Variants in N4BP2L2 observed in about 807,000 individuals in gnomAD.
N4BP2L2 encodes NEDD4-binding protein 2-like 2.
N4BP2L2 carries 50 observed loss-of-function variants against 56.2 expected under a neutral mutation model. That is an observed-to-expected ratio of 0.89 (90% CI 0.71 to 1.13). The LOEUF (loss-of-function observed/expected upper bound fraction) is 1.13, where lower values mean the gene tolerates loss of function less well. Ranked by LOEUF, N4BP2L2 falls within the 50% of genes most tolerant of loss-of-function variation. The probability of loss-of-function intolerance (pLI) is 0.00; values close to 1 mark genes in which losing one functional copy is unlikely to be tolerated. For synonymous variants in N4BP2L2, 203 were observed against 223.6 expected (o/e 0.91, Z 0.82); for missense variants, 689 against 693.8 (o/e 0.99, Z 0.08).
At chr13:32,492,915 TG>T (rs1249019829) in intron 6 of N4BP2L2, among the ~76,000 whole-genome samples, 36 of 105,272 alleles carry the variant, frequency 3.4e-4, no homozygotes, top group Admixed American at 5.7e-4. Flanking sequence ...GTAGCTTTTC[TG>T]TTTTTTTTTT....
At chr13:32,534,100 T>C (rs376355917) in intron 2 of N4BP2L2, among the ~76,000 whole-genome samples, 2 of 152,212 alleles carry the variant, frequency 1.3e-5, no homozygotes, top group East Asian at 3.8e-4. Flanking sequence ...CTGCTCCTTC[T>C]ATAAAATGAA....
At chr13:32,447,019 C>T (rs1393273092) in intron 6 of N4BP2L2, among the ~76,000 whole-genome samples, 1 of 151,914 alleles carries the variant, frequency 6.6e-6, no homozygotes, top group Non-Finnish European at 1.5e-5. Flanking sequence ...TGCAACACTG[C>T]CTCTCGATTT....
chr13:32,516,904 TCA>T (rs900770096), exon 6 of N4BP2L2: 1 of 984,828 alleles, frequency 1.0e-6, no homozygotes, highest in African/African-American at 1.7e-5. Context: ...GAATTCCATC[TCA>T]GTTTTTAATT....
intron 6 of N4BP2L2, among the ~76,000 whole-genome samples, chr13:32,495,665 C>T (rs1280820542): frequency 1.3e-5 from 2 of 152,070 alleles, no homozygotes; most frequent in Non-Finnish European, 2.9e-5. Flanking sequence ...GGCAGTGGCA[C>T]CTCATCAGGC....
intron 7 of N4BP2L2, among the ~76,000 whole-genome samples, chr13:32,439,367 G>A (rs1025629578): frequency 4.6e-5 from 7 of 152,214 alleles, no homozygotes; most frequent in Middle Eastern, 6.8e-3. Context: ...TTTAATTAAC[G>A]GATGCTTGAT....
At chr13:32,530,083 T>C in intron 2 of N4BP2L2, among the ~76,000 whole-genome samples, 1 of 152,142 alleles carries the variant, frequency 6.6e-6, no homozygotes, top group East Asian at 1.9e-4. Flanking sequence ...ATTTTTTGTA[T>C]CTAAAAAACG....
At chr13:32,435,809 G>A (rs1040453626) in intron 9 of N4BP2L2, among the ~76,000 whole-genome samples, 4 of 152,120 alleles carry the variant, frequency 2.6e-5, no homozygotes, top group Non-Finnish European at 4.4e-5. Context: ...AAAACGTATG[G>A]TAAATGCATA....
intron 6 of N4BP2L2, among the ~76,000 whole-genome samples, chr13:32,492,407 CG>C (rs1299878108): frequency 2.0e-5 from 3 of 151,458 alleles, no homozygotes; most frequent in Non-Finnish European, 4.4e-5. Context: ...CTCAGCCTCC[CG>C]AGTAGCTGGG....
chr13:32,434,248 CTTTTTTTCTTT>C (rs1233909306), intron 9 of N4BP2L2, among the ~76,000 whole-genome samples: 1 of 112,038 alleles, frequency 8.9e-6, no homozygotes, highest in Non-Finnish European at 1.8e-5. Context: ...AGCTAATTTT[CTTTTTTTCTTT>C]TTTTTTTTTT....
At chr13:32,501,781 C>T (rs2090057821) in intron 6 of N4BP2L2, among the ~76,000 whole-genome samples, 1 of 151,786 alleles carries the variant, frequency 6.6e-6, no homozygotes, top group South Asian at 2.1e-4. Context: ...CGCCACTGCA[C>T]TCCAGCTTGG....
chr13:32,511,798 T>C (rs980428417), exon 6 of N4BP2L2: 2 of 151,256 alleles, frequency 1.3e-5, no homozygotes, highest in Non-Finnish European at 2.9e-5. Flanking sequence ...AGAAAACACG[T>C]ACACAAGAAA....
chr13:32,507,353 G>A (rs2139687056), downstream of N4BP2L2: 1 of 151,988 alleles, frequency 6.6e-6, no homozygotes, highest in East Asian at 1.9e-4. Context: ...TACATTTGGG[G>A]GTCAATATTG....
chr13:32,468,618 T>C (rs1187214912), intron 6 of N4BP2L2, among the ~76,000 whole-genome samples: 1 of 152,238 alleles, frequency 6.6e-6, no homozygotes, highest in Non-Finnish European at 1.5e-5. Flanking sequence ...GGATGTGCTT[T>C]GGTCAAGGAA....
At chr13:32,537,838 G>C (rs1218375131) in intron 1 of N4BP2L2, among the ~76,000 whole-genome samples, 3 of 152,180 alleles carry the variant, frequency 2.0e-5, no homozygotes, top group Non-Finnish European at 2.9e-5. Flanking sequence ...TTGGGAGGCT[G>C]AGGCGGGCGG....
At chr13:32,505,413 G>T (rs1216684002), downstream of N4BP2L2, 1 of 152,126 alleles carries the variant, frequency 6.6e-6, no homozygotes, top group African/African-American at 2.4e-5. Context: ...CAACAACTTT[G>T]ATGTTCCCTC....
At chr13:32,442,219 G>A (rs2076501565) in intron 7 of N4BP2L2, among the ~76,000 whole-genome samples, 1 of 152,112 alleles carries the variant, frequency 6.6e-6, no homozygotes, top group Non-Finnish European at 1.5e-5. Context: ...CAAAGGGTGG[G>A]GACTTTGAAG....
At chr13:32,517,843 G>C (rs750280447) in exon 6 of N4BP2L2, 1 of 1,613,918 alleles carries the variant, frequency 6.2e-7, no homozygotes. Flanking sequence ...TGTGAGCCAA[G>C]AGAGCCTCCC....
intron 6 of N4BP2L2, among the ~76,000 whole-genome samples, chr13:32,494,303 A>C (rs1005348028): frequency 3.3e-5 from 5 of 151,972 alleles, no homozygotes; most frequent in Non-Finnish European, 7.4e-5. Context: ...AAATAAAAAT[A>C]AAATGTGAGA....
chr13:32,442,476 G>C, exon 7 of N4BP2L2: 1 of 1,613,440 alleles, frequency 6.2e-7, no homozygotes, highest in Non-Finnish European at 8.5e-7. Flanking sequence ...GGTAGTCAGT[G>C]CTTGTTAAGT....
Sources: gnomAD v4.1 joint callset for allele counts (sites outside exome capture counted in the v4.1 genomes callset) on GRCh38, gnomAD v4.1.1 for gene constraint, MANE v1.5 for transcripts, NCBI Gene and HGNC (gene_info 2026-07-23, HGNC 2026-07-21) for gene names.